Variants in DPP6 observed in about 807,000 individuals in gnomAD.
The protein encoded by DPP6 is dipeptidyl peptidase like 6, also known as A-type potassium channel modulatory protein DPP6.
In DPP6, 69 loss-of-function variants were observed where a neutral mutation model predicts 122.6. The ratio of observed to expected loss-of-function variants is 0.56; its 90% CI spans 0.46 to 0.69. The LOEUF (loss-of-function observed/expected upper bound fraction) is 0.69, where lower values mean the gene tolerates loss of function less well. Among genes scored for constraint, DPP6 ranks in the 30% least tolerant of loss-of-function variants. The pLI is 0.00. For synonymous variants in DPP6, 418 were observed against 433.1 expected (o/e 0.97, Z 0.43); for missense variants, 928 against 1,116.9 (o/e 0.83, Z 2.41).
In DPP6 at chr7:153,983,751, A is replaced by G. The variant is rs567616704; in HGVS notation, c.51+96017A>G. Among the ~76,000 whole-genome samples, 18 of 152,142 alleles carry G rather than the reference A, an allele frequency of 1.2e-4. No homozygotes were observed. The South Asian group carries it at 2.9e-3, about 25-fold the overall frequency. ...AAAGCCTAGTATTGGGCTGGATAGC[A>G]TTGTCCCTCACGGCACAGTCCCTCA... On this transcript the variant is annotated intron_variant, in intron 1 of 25. Coordinates refer to the DPP6 transcript ENST00000404039.
intron 1 of DPP6, among the ~76,000 whole-genome samples, chr7:154,134,782 G>A (rs1386587551): frequency 6.6e-6 from 1 of 152,102 alleles, no homozygotes; most frequent in East Asian, 1.9e-4. Flanking sequence ...CATTTCCTGT[G>A]AGCCCACACT....
rs960765739 is a variant in DPP6 at position 153,904,828 on chromosome 7, A to G, written c.51+17094A>G. ...CTTCTCCTTTGCCTTCTGAAGGTTCACTGAAAATCAACTGATGAAAGACAG... is the reference window on the plus strand; with the variant it reads ...CTTCTCCTTTGCCTTCTGAAGGTTCGCTGAAAATCAACTGATGAAAGACAG... On this transcript the variant is annotated intron_variant, in intron 1 of 25. Coordinates refer to the DPP6 transcript ENST00000404039. Among the ~76,000 whole-genome samples the G allele has an allele frequency of 4.6e-5, 7 of 152,252 alleles. 1 individual carries two copies. Among genetic ancestry groups the G allele is most frequent in the African/African-American group, 1.7e-4 (7 of 41,474 alleles).
chr7:154,427,672 T>G (rs1241330249), intron 1 of DPP6, among the ~76,000 whole-genome samples: 3 of 152,220 alleles, frequency 2.0e-5, no homozygotes, highest in African/African-American at 7.2e-5. Flanking sequence ...TCAGTTTGTT[T>G]TTTGTTTCTT....
intron 13 of DPP6, 124 bp from the exon 14 acceptor site, chr7:154,803,740 A>G: frequency 7.2e-7 from 1 of 1,396,062 alleles, no homozygotes; most frequent in Non-Finnish European, 9.6e-7. Context: ...AGGGGCAGAG[A>G]GCCCTTCCCA....
chr7:154,734,816 G>T (rs1018899455), intron 8 of DPP6, among the ~76,000 whole-genome samples: 5 of 152,196 alleles, frequency 3.3e-5, no homozygotes, highest in African/African-American at 9.7e-5. Context: ...TTGTGTCTCT[G>T]CTGCCTTGTC....
chr7:154,635,128 A>C (rs886193219), intron 5 of DPP6, among the ~76,000 whole-genome samples: 1 of 152,166 alleles, frequency 6.6e-6, no homozygotes, highest in Non-Finnish European at 1.5e-5. Context: ...ATCCCACTTG[A>C]CTTTAACTTA....
intron 1 of DPP6, among the ~76,000 whole-genome samples, chr7:154,306,809 C>T (rs1806388773): frequency 6.6e-6 from 1 of 152,148 alleles, no homozygotes; most frequent in Non-Finnish European, 1.5e-5. Flanking sequence ...TGACAGTGTG[C>T]ATAAGGATTG....
At chr7:154,489,967 A>T (rs534305793) in intron 3 of DPP6, among the ~76,000 whole-genome samples, 1 of 152,348 alleles carries the variant, frequency 6.6e-6, no homozygotes, top group East Asian at 1.9e-4. Context: ...CCCAGATCAC[A>T]TTCTTACACA....
At chr7:153,757,927 C>A in the DPP6 span, among the ~76,000 whole-genome samples, 1,560 of 152,238 alleles carry the variant, frequency 0.01, 8 homozygotes, top group Middle Eastern at 0.017. Context: ...CCACTGCACT[C>A]CAGCCTGGGT....
At chr7:154,648,512 T>G (rs1370213323) in intron 6 of DPP6, among the ~76,000 whole-genome samples, 1 of 152,064 alleles carries the variant, frequency 6.6e-6, no homozygotes, top group Non-Finnish European at 1.5e-5. Context: ...AGGGCATCAC[T>G]CAAGGAGAGG....
the DPP6 span, among the ~76,000 whole-genome samples, chr7:153,823,001 G>A: frequency 6.6e-6 from 1 of 152,062 alleles, no homozygotes; most frequent in Non-Finnish European, 1.5e-5. Context: ...CTTCACTCAA[G>A]TGCATTTTCA....
chr7:154,200,633 G>T (rs1026017681), intron 1 of DPP6, among the ~76,000 whole-genome samples: 15 of 152,156 alleles, frequency 9.9e-5, no homozygotes, highest in African/African-American at 4.8e-5. Context: ...TTTCTGTCTC[G>T]TGAGGACTCT....
Position 154,886,564 on chromosome 7 carries a change from G to A in DPP6, c.2245+820G>A, listed in dbSNP as rs553745450. Among the ~76,000 whole-genome samples the A allele has an allele frequency of 2.3e-4, 35 of 152,308 alleles. 1 individual carries two copies. In the South Asian group the frequency reaches 3.1e-3, roughly 14 times the overall value. ...ACAGAGAGGTCTTTTCTGTGGCTCC[G>A]AGAACTTGAATTCAGGTCAGGGCTC... On this transcript the variant is annotated intron_variant, in intron 22 of 25. Transcript: ENST00000377770.
intron 1 of DPP6, among the ~76,000 whole-genome samples, chr7:154,006,183 A>G (rs1410991618): frequency 1.3e-5 from 2 of 152,206 alleles, no homozygotes; most frequent in African/African-American, 4.8e-5. Context: ...CCTTGGCCCT[A>G]TAATCATCCG....
intron 5 of DPP6, among the ~76,000 whole-genome samples, chr7:154,615,258 G>A (rs553852835): frequency 2.0e-5 from 3 of 152,216 alleles, no homozygotes; most frequent in South Asian, 2.1e-4. Context: ...TTGCTCTGTA[G>A]TTCCAGCAAT....
At chr7:154,775,956 C>T (rs919580226) in intron 10 of DPP6, among the ~76,000 whole-genome samples, 1 of 152,156 alleles carries the variant, frequency 6.6e-6, no homozygotes, top group African/African-American at 2.4e-5. Flanking sequence ...GTGCTGGGGA[C>T]CCTCCTTGGC....
chr7:154,540,385 A>G, intron 3 of DPP6, 147 bp from the exon 4 acceptor site: 1 of 627,570 alleles, frequency 1.6e-6, no homozygotes, highest in East Asian at 2.8e-5. Context: ...AGCTGGGCAT[A>G]TTGCACCATA....
chr7:153,964,024 C>T (rs1469703082), intron 1 of DPP6, among the ~76,000 whole-genome samples: 1 of 152,124 alleles, frequency 6.6e-6, no homozygotes, highest in African/African-American at 2.4e-5. Flanking sequence ...GAGATGGAGT[C>T]TCACTCTGTT....
intron 5 of DPP6, among the ~76,000 whole-genome samples, chr7:154,623,616 TACACGCGCACACATGCGTGCAC>T (rs968342868): frequency 7.0e-6 from 1 of 143,568 alleles, no homozygotes; most frequent in Non-Finnish European, 1.5e-5. Flanking sequence ...CACACGCACG[TACACGCGCACACATGCGTGCAC>T]ACACGCGCAC....
Sources: allele counts gnomAD v4.1 joint callset (sites outside exome capture counted in the v4.1 genomes callset), GRCh38; gene constraint gnomAD v4.1.1; transcripts MANE v1.5; gene names NCBI Gene and HGNC (gene_info 2026-07-23, HGNC 2026-07-21).